The following CNIH3 variants were observed in gnomAD, a reference collection of about 807,000 sequenced individuals.
CNIH3 encodes cornichon family AMPA receptor auxiliary protein 3.
Under a neutral mutation model 24.1 loss-of-function variants are expected in CNIH3, and 14 were observed. That is an observed-to-expected ratio of 0.58 (90% CI 0.38 to 0.91). The LOEUF is 0.91. CNIH3 is among the 40% of genes least tolerant of loss of function. The pLI is 0.00. For synonymous variants in CNIH3, 68 were observed against 73.8 expected (o/e 0.92, Z 0.40); for missense variants, 178 against 196.8 (o/e 0.90, Z 0.57).
intron 3 of CNIH3, among the ~76,000 whole-genome samples, chr1:224,721,166 C>T (rs1688703946): frequency 6.6e-6 from 1 of 152,140 alleles, no homozygotes. Context: ...ATTGAGTCTC[C>T]CCAGCTGGAT....
intron 3 of CNIH3, among the ~76,000 whole-genome samples, chr1:224,606,611 T>G (rs992144256): frequency 2.0e-5 from 3 of 152,146 alleles, no homozygotes; most frequent in African/African-American, 7.2e-5. Context: ...AAAGGCAACA[T>G]TCAGGCGGGA....
At position 224,684,422 on chromosome 1, in the gene CNIH3, G is replaced by C. The variant is rs758269156; in HGVS notation, c.151-374G>C. Among the ~76,000 whole-genome samples, 3 of 152,176 alleles carry C rather than the reference G, an allele frequency of 2.0e-5. No homozygotes were observed. Among genetic ancestry groups the C allele is most frequent in the Admixed American group, 6.5e-5 (1 of 15,290 alleles). On this transcript the variant is annotated intron_variant, in intron 2 of 5. Transcript: ENST00000272133. The surrounding 1 kb of genome is among the most constrained non-coding windows in gnomAD (Gnocchi z 4.2). ...AGTGGGAAGGCCTCCTGGGAGGGCC[G>C]GCTGCAGGCTTTAGGATGCTCCATG... is the stretch of plus-strand genomic sequence containing the variant.
chr1:224,578,905 T>A (rs1681149146), intron 4 of CNIH3, among the ~76,000 whole-genome samples: 1 of 152,108 alleles, frequency 6.6e-6, no homozygotes, highest in African/African-American at 2.4e-5. Context: ...GTGCTGAGAG[T>A]TCAGAGGGCC....
At chr1:224,667,282 TA>T (rs1341652279) in intron 1 of CNIH3, among the ~76,000 whole-genome samples, 1 of 152,142 alleles carries the variant, frequency 6.6e-6, no homozygotes, top group African/African-American at 2.4e-5. Flanking sequence ...ACTTCTTAAA[TA>T]AAACTTCAGA....
intron 5 of CNIH3, among the ~76,000 whole-genome samples, chr1:224,735,596 G>T (rs756254766): frequency 1.3e-5 from 2 of 152,186 alleles, no homozygotes; most frequent in South Asian, 2.1e-4. Flanking sequence ...CCTAGGTTTG[G>T]ATTGGGCTGT....
At chr1:224,443,955 A>T (rs1279960838) in intron 1 of CNIH3, among the ~76,000 whole-genome samples, 22 of 152,186 alleles carry the variant, frequency 1.4e-4, no homozygotes, top group Admixed American at 1.4e-3. Context: ...GGCAAACAGT[A>T]TAAAACCTTG....
chr1:224,537,098 G>A (rs1450920784), downstream of CNIH3: 2 of 152,092 alleles, frequency 1.3e-5, no homozygotes, highest in East Asian at 3.8e-4. Flanking sequence ...AAATAAGATA[G>A]CTACAAAGAT....
At chr1:224,680,900 G>A (rs1686366106) in intron 1 of CNIH3, 58 bp from the exon 2 acceptor site, 2 of 1,298,010 alleles carry the variant, frequency 1.5e-6, no homozygotes, top group Non-Finnish European at 2.2e-6. Context: ...CAGAAGCTTT[G>A]GACATGGTGT....
chr1:224,545,864 AC>A (rs1207419836), intron 2 of CNIH3, among the ~76,000 whole-genome samples: 1 of 152,142 alleles, frequency 6.6e-6, no homozygotes, highest in African/African-American at 2.4e-5. Flanking sequence ...GGGTGGCTTC[AC>A]TATAGAAACG....
At chr1:224,640,913 A>G (rs1045878368) in intron 1 of CNIH3, among the ~76,000 whole-genome samples, 2 of 152,206 alleles carry the variant, frequency 1.3e-5, no homozygotes, top group African/African-American at 4.8e-5. Flanking sequence ...TCTAAAGGTG[A>G]GGGAGGAAGG....
chr1:224,498,876 A>G (rs1677542477), intron 1 of CNIH3, among the ~76,000 whole-genome samples: 1 of 152,222 alleles, frequency 6.6e-6, no homozygotes, highest in Non-Finnish European at 1.5e-5. Flanking sequence ...AGACACTTAC[A>G]TTGCTCTAGG....
At chr1:224,633,197 C>G (rs905063129) in intron 1 of CNIH3, among the ~76,000 whole-genome samples, 1 of 151,996 alleles carries the variant, frequency 6.6e-6, no homozygotes, top group African/African-American at 2.4e-5. Flanking sequence ...CTTGCTCTGT[C>G]CACCAGGCTG....
intron 1 of CNIH3, among the ~76,000 whole-genome samples, chr1:224,629,237 G>C (rs1390326237): frequency 6.6e-6 from 1 of 152,000 alleles, no homozygotes. Context: ...TTGAACTCCT[G>C]AACCCATGAT....
At chr1:224,564,207 C>A (rs942117760) in intron 3 of CNIH3, among the ~76,000 whole-genome samples, 5 of 152,088 alleles carry the variant, frequency 3.3e-5, no homozygotes, top group African/African-American at 1.2e-4. Context: ...GCTAGTAATT[C>A]ATCACATAGT....
At chr1:224,466,926 T>C (rs1383242087) in intron 1 of CNIH3, among the ~76,000 whole-genome samples, 1 of 152,240 alleles carries the variant, frequency 6.6e-6, no homozygotes, top group East Asian at 1.9e-4. Context: ...AATTATATTG[T>C]TTGCTTTTCT....
intron 1 of CNIH3, among the ~76,000 whole-genome samples, chr1:224,486,334 A>C (rs994423514): frequency 2.0e-5 from 3 of 151,780 alleles, no homozygotes; most frequent in Non-Finnish European, 1.5e-5. Context: ...GCTGTTCTCA[A>C]ACTCCTGGGC....
intron 2 of CNIH3, among the ~76,000 whole-genome samples, chr1:224,525,117 T>C (rs1361330296): frequency 6.6e-6 from 1 of 152,222 alleles, no homozygotes; most frequent in Non-Finnish European, 1.5e-5. Flanking sequence ...TACCCTCCTG[T>C]ATGTTTTAGT....
chr1:224,565,704 CT>C, intron 3 of CNIH3: 1 of 152,694 alleles, frequency 6.5e-6, no homozygotes, highest in Non-Finnish European at 1.5e-5. Flanking sequence ...TGTGGGGAGG[CT>C]TTTCTGAGCC....
At chr1:224,563,462 TG>T (rs1680458918) in intron 3 of CNIH3, among the ~76,000 whole-genome samples, 1 of 77,438 alleles carries the variant, frequency 1.3e-5, no homozygotes, top group Non-Finnish European at 2.8e-5. Context: ...TTAGACGGGG[TG>T]TGTGTGTGTG....
Sources: allele counts gnomAD v4.1 joint callset (sites outside exome capture counted in the v4.1 genomes callset), GRCh38; gene constraint gnomAD v4.1.1; non-coding constraint Gnocchi (gnomAD v3.1); transcripts MANE v1.5; gene names NCBI Gene and HGNC (gene_info 2026-07-23, HGNC 2026-07-21).